The following SNX29 variants were observed in gnomAD, a reference collection of about 807,000 sequenced individuals.
The protein encoded by SNX29 is sorting nexin 29, also known as sorting nexin-29.
A neutral mutation model predicts 102.1 loss-of-function variants in SNX29; 78 were observed. The ratio of observed to expected loss-of-function variants is 0.76; its 90% confidence interval spans 0.64 to 0.92. The LOEUF is 0.92. Ranked by LOEUF, SNX29 falls within the 40% of genes least tolerant of loss-of-function variation. SNX29 has a pLI of 0.00. For synonymous variants in SNX29, 580 were observed against 414.5 expected (o/e 1.40, Z -4.85); for missense variants, 1,280 against 1,061.7 (o/e 1.21, Z -2.86).
chr16:12,230,817 G>A (rs931166829), intron 14 of SNX29, among the ~76,000 whole-genome samples: 6 of 124,008 alleles, frequency 4.8e-5, no homozygotes, highest in African/African-American at 1.4e-4. Context: ...CTTGTAATAA[G>A]TCGTATGTAT....
chr16:12,105,694 TGTTTCCAGG>T (rs1420418236), intron 11 of SNX29, among the ~76,000 whole-genome samples: 3 of 152,214 alleles, frequency 2.0e-5, no homozygotes, highest in Admixed American at 6.5e-5. Context: ...GACAATGCTG[TGTTTCCAGG>T]GTCTCCTAGC....
At chr16:12,067,629 A>G (rs2051095489) in intron 9 of SNX29, among the ~76,000 whole-genome samples, 1 of 152,238 alleles carries the variant, frequency 6.6e-6, no homozygotes, top group Admixed American at 6.5e-5. Context: ...CTGGGATTAC[A>G]GGCGTGCACT....
chr16:12,426,488 A>G (rs1002515768), intron 18 of SNX29, among the ~76,000 whole-genome samples: 1 of 152,202 alleles, frequency 6.6e-6, no homozygotes, highest in African/African-American at 2.4e-5. Flanking sequence ...CAGGAGGGTA[A>G]TGGGAACATC....
chr16:12,471,513 A>G (rs529374166), intron 18 of SNX29, among the ~76,000 whole-genome samples: 47 of 152,316 alleles, frequency 3.1e-4, no homozygotes, highest in Admixed American at 1.8e-3. Flanking sequence ...CACTGAGGCC[A>G]GAATCCAGTG....
At chr16:12,535,180 C>T (rs561700800) in intron 20 of SNX29, among the ~76,000 whole-genome samples, 1 of 152,184 alleles carries the variant, frequency 6.6e-6, no homozygotes, top group African/African-American at 2.4e-5. Flanking sequence ...ACTCTGTCAC[C>T]AAGGCTGGAG....
intron 11 of SNX29, among the ~76,000 whole-genome samples, chr16:12,114,385 A>G (rs8051768): frequency 0.2 from 29,801 of 151,946 alleles, 3,383 homozygotes; most frequent in Middle Eastern, 0.27. Flanking sequence ...CTTTGCCCCA[A>G]TCCTGTTGAG....
Position 12,561,423 on chromosome 16 carries a change from G to A in SNX29, c.2319-7083G>A, listed in dbSNP as rs1435405169. 3.3e-5 allele frequency among the ~76,000 whole-genome samples: 5 copies of A among 152,156 alleles called. No homozygotes were observed. The East Asian group carries it at 7.7e-4, about 23-fold the overall frequency. ...ACACACACAGATCAGTCCTAGCTGG[G>A]TTGCAGGGATCCAGCCCTCTAAGCT... On this transcript the variant is annotated intron_variant, in intron 20 of 20. Coordinates refer to ENST00000566228, the MANE Select transcript of SNX29 (RefSeq NM_032167.5).
intron 15 of SNX29, among the ~76,000 whole-genome samples, chr16:12,306,667 C>G (rs2080348255): frequency 6.6e-6 from 1 of 152,234 alleles, no homozygotes; most frequent in African/African-American, 2.4e-5. Flanking sequence ...AGTTAGGCCC[C>G]TGCTGATGGC....
chr16:12,415,096 G>A (rs759576781), intron 18 of SNX29, among the ~76,000 whole-genome samples: 27 of 152,238 alleles, frequency 1.8e-4, no homozygotes, highest in Admixed American at 1.3e-4. Flanking sequence ...CCCAGAACAA[G>A]AGAGACCTCC....
At chr16:12,205,242 T>C (rs764160477) in intron 14 of SNX29, among the ~76,000 whole-genome samples, 33 of 152,328 alleles carry the variant, frequency 2.2e-4, no homozygotes, top group African/African-American at 6.5e-4. Context: ...GCCTGCTGTT[T>C]CCACTCCCAC....
At chr16:12,463,421 C>G (rs988645823) in intron 18 of SNX29, among the ~76,000 whole-genome samples, 1 of 152,128 alleles carries the variant, frequency 6.6e-6, no homozygotes, top group Non-Finnish European at 1.5e-5. Context: ...TGGTTGAAGG[C>G]AAGGAGGAGC....
intron 15 of SNX29, among the ~76,000 whole-genome samples, chr16:12,319,576 G>A (rs1017587933): frequency 2.0e-5 from 3 of 152,206 alleles, no homozygotes; most frequent in South Asian, 2.1e-4. Context: ...ACCTGTTGGC[G>A]GTGAGCCAGA....
rs185895374 is a variant in SNX29 at position 12,353,628 on chromosome 16, C to T, written c.1783-2535C>T. Among the ~76,000 whole-genome samples the T allele has an allele frequency of 9.5e-4, 144 of 152,314 alleles. 1 individual carries two copies. The highest frequency in any genetic ancestry group is 3.3e-3 in the African/African-American group (138 of 41,566). ...CCAGCCTCTGGTGCCGGCATTTGCA[C>T]CTGTAGTTTCCTCCACTGGTCATAC... On this transcript the variant is annotated intron_variant, in intron 15 of 20. Coordinates refer to ENST00000566228, the MANE Select transcript of SNX29 (RefSeq NM_032167.5).
chr16:12,368,900 T>C (rs1029708784), intron 16 of SNX29, among the ~76,000 whole-genome samples: 2 of 152,214 alleles, frequency 1.3e-5, no homozygotes, highest in Non-Finnish European at 2.9e-5. Flanking sequence ...CTCTGTTCTT[T>C]GAATTTCATC....
chr16:12,253,172 G>A (rs1289871145), intron 14 of SNX29, among the ~76,000 whole-genome samples: 2 of 152,184 alleles, frequency 1.3e-5, no homozygotes, highest in African/African-American at 4.8e-5. Context: ...GAACAGCAGA[G>A]GTGGCGAGAC....
chr16:12,261,418 C>T (rs1248391208), intron 14 of SNX29, among the ~76,000 whole-genome samples: 3 of 111,576 alleles, frequency 2.7e-5, no homozygotes, highest in Non-Finnish European at 5.3e-5. Flanking sequence ...AGTGTTTGCT[C>T]TGAGCTCCGG....
At chr16:12,020,724 A>G (rs1337160169) in intron 3 of SNX29, among the ~76,000 whole-genome samples, 1 of 151,920 alleles carries the variant, frequency 6.6e-6, no homozygotes, top group South Asian at 2.1e-4. Flanking sequence ...CCTGGGTTCA[A>G]GCGATTCTCC....
intron 20 of SNX29, among the ~76,000 whole-genome samples, chr16:12,568,295 G>A (rs1055491714): frequency 1.4e-5 from 1 of 69,758 alleles, no homozygotes; most frequent in African/African-American, 5.0e-5. Context: ...TGGAGCCTCG[G>A]AGTGCTGTTA....
intron 14 of SNX29, among the ~76,000 whole-genome samples, chr16:12,220,091 G>T (rs1409011773): frequency 6.6e-6 from 1 of 152,240 alleles, no homozygotes; most frequent in African/African-American, 2.4e-5. Context: ...GCGACCTGCA[G>T]CCTTATTTTA....
Sources: gnomAD v4.1 joint callset for allele counts (sites outside exome capture counted in the v4.1 genomes callset) on GRCh38, gnomAD v4.1.1 for gene constraint, MANE v1.5 for transcripts, NCBI Gene and HGNC (gene_info 2026-07-23, HGNC 2026-07-21) for gene names.